The following SNRPG variants were observed in gnomAD, a reference collection of about 807,000 sequenced individuals.
SNRPG encodes small nuclear ribonucleoprotein polypeptide G.
SNRPG carries 3 observed loss-of-function variants against 13.9 expected under a neutral mutation model. That is an observed-to-expected ratio of 0.22 (90% CI 0.10 to 0.56). The LOEUF is 0.56. Ranked by LOEUF, SNRPG falls within the 20% of genes least tolerant of loss-of-function variation. The pLI is 0.93. For missense variants in SNRPG, 34 were observed against 96.1 expected (o/e 0.35, Z 2.70); for synonymous variants, 29 against 29.3 (o/e 0.99, Z 0.03).
rs1434480998 is a variant in SNRPG, at chr2:70,288,245, C to T, written c.56-53G>A. The T allele has an allele frequency of 2.0e-6, 3 of 1,508,454 alleles. No homozygotes were observed. In the African/African-American group the frequency reaches 4.1e-5, roughly 21 times the overall value. 93.4% of individuals were successfully genotyped at this position (1,508,454 alleles called of 1,614,324 possible). ...GAAAAACATTCCATTAGCTACCAAG[C>T]ATTCACTAAAAATCAGGTGGGATAA... On this transcript the variant is annotated intron_variant, in intron 2 of 3. Coordinates refer to ENST00000272348, the MANE Select transcript of SNRPG (RefSeq NM_003096.4).
At chr2:70,284,570 G>C (rs1696893914) in intron 3 of SNRPG, among the ~76,000 whole-genome samples, 1 of 151,972 alleles carries the variant, frequency 6.6e-6, no homozygotes, top group African/African-American at 2.4e-5. Context: ...TTTCTGTAGA[G>C]ACAGGGTCTC....
intron 2 of SNRPG, 117 bp downstream of exon 2, chr2:70,289,233 G>T: frequency 1.7e-6 from 1 of 592,552 alleles, no homozygotes; most frequent in Non-Finnish European, 3.0e-6. Context: ...GATTACAGCC[G>T]TGAGCCATCG....
In SNRPG at chr2:70,285,558, T is replaced by G. The variant is rs567452857; in HGVS notation, c.180+2510A>C. ...TTGCACTCCAGCCTCGGTGACACAG[T>G]GAGACTCTGTCATACACACGCGCGT... is the stretch of plus-strand genomic sequence containing the variant. On this transcript the variant is annotated intron_variant, in intron 3 of 3. Transcript: ENST00000272348. Among the ~76,000 whole-genome samples, 5 of 152,082 alleles carry G rather than the reference T, an allele frequency of 3.3e-5. No homozygotes were observed. In the East Asian group the frequency reaches 9.7e-4, roughly 29 times the overall value.
intron 2 of SNRPG, among the ~76,000 whole-genome samples, chr2:70,289,049 CAT>C (rs1246947406): frequency 6.6e-6 from 1 of 152,066 alleles, no homozygotes; most frequent in Non-Finnish European, 1.5e-5. Flanking sequence ...CTCCTGGGTT[CAT>C]GCCATTCTCC....
intron 1 of SNRPG, among the ~76,000 whole-genome samples, chr2:70,290,547 T>TA (rs1236342947): frequency 1.3e-5 from 2 of 151,686 alleles, no homozygotes; most frequent in African/African-American, 4.8e-5. Flanking sequence ...TTTTAAAATA[T>TA]AAAAAAATGA....
chr2:70,285,396 A>G (rs962162560), intron 3 of SNRPG, among the ~76,000 whole-genome samples: 2 of 152,074 alleles, frequency 1.3e-5, no homozygotes, highest in African/African-American at 4.8e-5. Context: ...ACATAGTGAA[A>G]CCCTGTCTCT....
intron 1 of SNRPG, among the ~76,000 whole-genome samples, chr2:70,290,109 C>T (rs1438193187): frequency 1.3e-5 from 2 of 150,882 alleles, no homozygotes; most frequent in Non-Finnish European, 3.0e-5. Context: ...CCCAAAGTGC[C>T]GCTGGGATTA....
intron 1 of SNRPG, chr2:70,293,235 C>T (rs914357011): frequency 4.3e-6 from 3 of 701,986 alleles, no homozygotes; most frequent in African/African-American, 1.7e-5. Flanking sequence ...CTTCCAGCCC[C>T]TCCTTAGTTC....
chr2:70,282,845 G>A (rs1437667933), intron 3 of SNRPG, among the ~76,000 whole-genome samples: 1 of 152,120 alleles, frequency 6.6e-6, no homozygotes, highest in East Asian at 1.9e-4. Flanking sequence ...TATAATCCCA[G>A]CACTTTGGGA....
chr2:70,291,052 CACACACAT>C (rs1237661967), intron 1 of SNRPG, among the ~76,000 whole-genome samples: 27 of 140,918 alleles, frequency 1.9e-4, no homozygotes, highest in East Asian at 4.6e-4. Flanking sequence ...CACACACACA[CACACACAT>C]ATATGAAGTA....
chr2:70,292,481 G>A (rs551642585), intron 1 of SNRPG, among the ~76,000 whole-genome samples: 60 of 152,282 alleles, frequency 3.9e-4, no homozygotes, highest in African/African-American at 1.3e-3. Context: ...CGGAATAGCT[G>A]AGACTACAGG....
chr2:70,290,250 C>G (rs1052042765), intron 1 of SNRPG, among the ~76,000 whole-genome samples: 5 of 151,862 alleles, frequency 3.3e-5, no homozygotes, highest in Non-Finnish European at 5.9e-5. Flanking sequence ...AGACAGCAAA[C>G]AGTAATCAAA....
rs747791058 is a variant in SNRPG, at chr2:70,289,318, T to TA, written c.55+31dup. 171 of 1,313,310 alleles carry TA rather than the reference T, an allele frequency of 1.3e-4. 1 individual carries two copies. The highest frequency in any genetic ancestry group is 3.7e-4 in the South Asian group (29 of 77,346). The allele number at this position is 1,313,310 out of a possible 1,614,324, so 81.4% of individuals were successfully genotyped here. ...CACATGTAAAAAGCAATTAAATAATTAAAAAAAACCCCAAAACAACAACAA... is the reference window on the plus strand; with the variant it reads ...CACATGTAAAAAGCAATTAAATAATTAAAAAAAAACCCCAAAACAACAACAA... On this transcript the variant is annotated intron_variant, in intron 2 of 3. Transcript: ENST00000272348.
At chr2:70,288,369 G>C (rs1217697230) in intron 2 of SNRPG, among the ~76,000 whole-genome samples, 177 bp from the exon 3 acceptor site, 2 of 152,112 alleles carry the variant, frequency 1.3e-5, no homozygotes, top group African/African-American at 2.4e-5. Context: ...TAATTTATAA[G>C]AATCCTAAAA....
chr2:70,284,615 C>G (rs969183992), intron 3 of SNRPG, among the ~76,000 whole-genome samples: 47 of 152,168 alleles, frequency 3.1e-4, no homozygotes, highest in Admixed American at 2.7e-3. Context: ...AACTCCTAGT[C>G]TCAAGTGATC....
At chr2:70,293,176 T>C (rs890323447) in intron 1 of SNRPG, 3 of 702,436 alleles carry the variant, frequency 4.3e-6, no homozygotes, top group African/African-American at 1.7e-5. Context: ...AAGACTAAAG[T>C]GGCTTTCGGA....
chr2:70,281,728 C>G (rs762856471), intron 3 of SNRPG, 44 bp from the exon 4 acceptor site: 3 of 1,005,362 alleles, frequency 3.0e-6, no homozygotes, highest in Admixed American at 2.0e-5. Flanking sequence ...ACTCAGGTAA[C>G]AGACATAACT....
Position 70,287,384 on chromosome 2 carries a change from AAG to A in SNRPG, c.180+682_180+683del, listed in dbSNP as rs1166775535. ...TAGGTATGTTGTCCTGTGTTAGACAAAGAGGGACTCAAAGTCTGGGTATCAAA... is the reference window on the plus strand; with the variant it reads ...TAGGTATGTTGTCCTGTGTTAGACAAAGGGACTCAAAGTCTGGGTATCAAA... On this transcript the variant is annotated intron_variant, in intron 3 of 3. Transcript: ENST00000272348. 9 of 695,836 alleles carry A rather than the reference AAG, an allele frequency of 1.3e-5. No individual in the cohort carries two copies. In the Admixed American group the frequency reaches 1.9e-4, roughly 14 times the overall value. The allele number at this position is 695,836 out of a possible 1,614,324, so 43.1% of individuals were successfully genotyped here.
In SNRPG at chr2:70,287,305, T is replaced by TA. The variant is rs1329553169; in HGVS notation, c.180+762dup. 4 of 702,742 alleles carry TA rather than the reference T, an allele frequency of 5.7e-6. No individual in the cohort carries two copies. In the African/African-American group the frequency reaches 7.0e-5, roughly 12 times the overall value. 43.5% of individuals were successfully genotyped at this position (702,742 alleles called of 1,614,324 possible). A position where few individuals can be genotyped will look rare whatever the true frequency, so the allele number is the denominator to read the frequency against. ...TTTATGCTTAATAATTTGCTAAAAG[T>TA]AAGTTGTCCTTTTTGGTTCACCTTT... is the stretch of plus-strand genomic sequence containing the variant. On this transcript the variant is annotated intron_variant, in intron 3 of 3. Transcript: ENST00000272348.
Sources: allele counts gnomAD v4.1 joint callset (sites outside exome capture counted in the v4.1 genomes callset), GRCh38; gene constraint gnomAD v4.1.1; transcripts MANE v1.5; gene names NCBI Gene and HGNC (gene_info 2026-07-23, HGNC 2026-07-21).